The following TAFA4 variants were observed in gnomAD, a reference collection of about 807,000 sequenced individuals.
TAFA4 encodes chemokine-like protein TAFA-4.
In TAFA4, 20 loss-of-function variants were observed where a neutral mutation model predicts 21.1. That is an observed-to-expected ratio of 0.95 (90% CI 0.67 to 1.38). The LOEUF is 1.38. TAFA4 is among the 40% of genes most tolerant of loss of function. The pLI, the probability that TAFA4 is intolerant of heterozygous loss-of-function variation, is 0.00. For synonymous variants in TAFA4, 71 were observed against 67.4 expected (o/e 1.05, Z -0.26); for missense variants, 211 against 180.9 (o/e 1.17, Z -0.95).
At chr3:68,819,128 C>T (rs544818786) in intron 3 of TAFA4, among the ~76,000 whole-genome samples, 1 of 152,242 alleles carries the variant, frequency 6.6e-6, no homozygotes, top group African/African-American at 2.4e-5. Flanking sequence ...CAAAAATCAG[C>T]TGGCATGGTG....
chr3:68,854,864 T>G (rs748434108), intron 3 of TAFA4, among the ~76,000 whole-genome samples: 8 of 152,190 alleles, frequency 5.3e-5, no homozygotes, highest in Non-Finnish European at 8.8e-5. Flanking sequence ...AAAAGAAATA[T>G]TTTACCGAGC....
At chr3:68,742,542 A>T (rs1300607064) in intron 4 of TAFA4, among the ~76,000 whole-genome samples, 1 of 152,068 alleles carries the variant, frequency 6.6e-6, no homozygotes, top group East Asian at 1.9e-4. Context: ...TCTAATTTAA[A>T]CCTCACTACA....
At chr3:68,782,807 T>C (rs1703176465) in intron 3 of TAFA4, among the ~76,000 whole-genome samples, 1 of 152,176 alleles carries the variant, frequency 6.6e-6, no homozygotes, top group Non-Finnish European at 1.5e-5. Context: ...ATGAAGACAG[T>C]CTGGAACTAG....
At chr3:68,907,886 C>T (rs2089919892) in intron 1 of TAFA4, among the ~76,000 whole-genome samples, 1 of 152,198 alleles carries the variant, frequency 6.6e-6, no homozygotes, top group Non-Finnish European at 1.5e-5. Flanking sequence ...CAATCCCAGA[C>T]AGACTGCTGT....
At chr3:68,917,520 C>T (rs140001150) in intron 1 of TAFA4, among the ~76,000 whole-genome samples, 2 of 151,636 alleles carry the variant, frequency 1.3e-5, no homozygotes, top group African/African-American at 4.9e-5. Context: ...TTTGGGAGGC[C>T]GAGGCAGGCA....
chr3:68,848,560 A>G (rs75827909), intron 3 of TAFA4, among the ~76,000 whole-genome samples: 3 of 152,164 alleles, frequency 2.0e-5, no homozygotes, highest in Non-Finnish European at 4.4e-5. Context: ...TGGTTGATCA[A>G]CTCACCTTGG....
At chr3:68,868,081 C>A (rs1223333827) in intron 3 of TAFA4, among the ~76,000 whole-genome samples, 1 of 151,770 alleles carries the variant, frequency 6.6e-6, no homozygotes. Flanking sequence ...AAACACAACC[C>A]AACTATAAGC....
chr3:68,782,027 T>G (rs1206924776), intron 3 of TAFA4, among the ~76,000 whole-genome samples: 2 of 152,126 alleles, frequency 1.3e-5, no homozygotes, highest in African/African-American at 2.4e-5. Context: ...ATTTAAAACT[T>G]TAAGTATCAA....
chr3:68,861,029 C>T (rs577431710), intron 3 of TAFA4, among the ~76,000 whole-genome samples: 126 of 87,464 alleles, frequency 1.4e-3, no homozygotes, highest in Admixed American at 3.6e-3. Context: ...GTTAAATATG[C>T]ACCCCCCCCC....
chr3:68,932,404 A>G lies in TAFA4; in HGVS notation c.-287T>C, dbSNP rs533999179. On this transcript the variant is annotated 5_prime_UTR_variant, in exon 1 of 6. Transcript: ENST00000295569. ...GGAGAAGAAAAGTTCCCACGTCTCT[A>G]CCAGGAGAAGCCCGAAGCTCCTGCG... 2 of 152,440 alleles carry G rather than the reference A, an allele frequency of 1.3e-5. No homozygotes were observed. The highest frequency in any genetic ancestry group is 4.1e-4 in the South Asian group (2 of 4,832). The allele number at this position is 152,440 out of a possible 1,614,324, so 9.4% of individuals were successfully genotyped here. A position where few individuals can be genotyped will look rare whatever the true frequency, so the allele number is the denominator to read the frequency against.
chr3:68,756,800 C>T (rs955163838), intron 3 of TAFA4, among the ~76,000 whole-genome samples: 6 of 152,082 alleles, frequency 3.9e-5, no homozygotes, highest in Admixed American at 2.0e-4. Context: ...ATAACAAGAG[C>T]GTTGATTTCC....
chr3:68,833,734 A>T (rs141481979), intron 3 of TAFA4, among the ~76,000 whole-genome samples: 21 of 152,274 alleles, frequency 1.4e-4, no homozygotes, highest in African/African-American at 4.8e-4. Context: ...ATCCACAACA[A>T]ACACTTTCAT....
intron 1 of TAFA4, among the ~76,000 whole-genome samples, chr3:68,930,297 G>A (rs368882233): frequency 1.4e-4 from 22 of 152,250 alleles, no homozygotes; most frequent in African/African-American, 5.1e-4. Flanking sequence ...ATCAAGCAGA[G>A]ATATTTGTAG....
chr3:68,789,430 C>T (rs1342600081), intron 3 of TAFA4, among the ~76,000 whole-genome samples: 1 of 152,040 alleles, frequency 6.6e-6, no homozygotes, highest in East Asian at 1.9e-4. Flanking sequence ...CACACACATA[C>T]ACACACAGGT....
At chr3:68,844,694 T>A (rs1704744768) in intron 3 of TAFA4, among the ~76,000 whole-genome samples, 2 of 152,224 alleles carry the variant, frequency 1.3e-5, no homozygotes, top group South Asian at 4.1e-4. Context: ...TTTAGCTGTG[T>A]CCCAGAGATT....
At chr3:68,901,906 T>A (rs2089846770) in intron 1 of TAFA4, among the ~76,000 whole-genome samples, 1 of 152,184 alleles carries the variant, frequency 6.6e-6, no homozygotes, top group South Asian at 2.1e-4. Flanking sequence ...AAGCTCTTTA[T>A]CTGAAAATAG....
intron 3 of TAFA4, among the ~76,000 whole-genome samples, chr3:68,837,061 C>T (rs1559538326): frequency 6.6e-6 from 1 of 152,180 alleles, no homozygotes; most frequent in Non-Finnish European, 1.5e-5. Flanking sequence ...ACAAGCACAC[C>T]CATTCATTTA....
At chr3:68,755,404 C>G (rs1055367324) in intron 3 of TAFA4, among the ~76,000 whole-genome samples, 1 of 152,286 alleles carries the variant, frequency 6.6e-6, no homozygotes, top group East Asian at 1.9e-4. Flanking sequence ...ATGGCTCGAC[C>G]TGAGTGAGTA....
chr3:68,766,432 TATG>T (rs1473001488), intron 3 of TAFA4, among the ~76,000 whole-genome samples: 7 of 152,160 alleles, frequency 4.6e-5, no homozygotes, highest in Non-Finnish European at 7.3e-5. Context: ...ACCTTTCTGC[TATG>T]ATACTTCTCA....
Sources: allele counts gnomAD v4.1 joint callset (sites outside exome capture counted in the v4.1 genomes callset), GRCh38; gene constraint gnomAD v4.1.1; transcripts MANE v1.5; gene names NCBI Gene and HGNC (gene_info 2026-07-23, HGNC 2026-07-21).